CIROZ: variants seen among roughly 807,000 people sequenced by gnomAD.
CIROZ encodes ciliated left-right organizer ZP-N domains-containing protein.
At chr1:10,978,041 C>G in the CIROZ span, among the ~76,000 whole-genome samples, 1 of 151,716 alleles carries the variant, frequency 6.6e-6, no homozygotes. Context: ...TGATGGCACA[C>G]GCATGTAATC....
the CIROZ span, among the ~76,000 whole-genome samples, chr1:10,975,429 A>T: frequency 2.7e-5 from 4 of 145,596 alleles, no homozygotes; most frequent in Non-Finnish European, 5.9e-5. Flanking sequence ...AAAAAAAAAA[A>T]AACACAAAAA....
the CIROZ span, chr1:10,957,851 A>T: frequency 2.2e-6 from 3 of 1,376,970 alleles, no homozygotes; most frequent in Non-Finnish European, 3.0e-6. Context: ...CTAGGAAGGC[A>T]ACAGGGTCAC....
At chr1:10,964,053 C>T in the CIROZ span, 4 of 1,558,720 alleles carry the variant, frequency 2.6e-6, no homozygotes, top group Non-Finnish European at 3.5e-6. Flanking sequence ...GCCAGGGCCA[C>T]CTGCCTTGGC....
the CIROZ span, chr1:10,953,982 G>A: frequency 1.3e-6 from 2 of 1,587,392 alleles, no homozygotes; most frequent in Middle Eastern, 1.7e-4. Flanking sequence ...GTGTGTGCCT[G>A]TTACCAGCAG....
At chr1:10,955,856 A>G in the CIROZ span, among the ~76,000 whole-genome samples, 5 of 151,816 alleles carry the variant, frequency 3.3e-5, no homozygotes, top group African/African-American at 1.2e-4. Context: ...AAAAAAAAAA[A>G]AAAAAAGAAA....
At chr1:10,979,839 G>A in the CIROZ span, among the ~76,000 whole-genome samples, 3 of 152,190 alleles carry the variant, frequency 2.0e-5, no homozygotes, top group African/African-American at 7.2e-5. Context: ...CTTGAGGTCA[G>A]GGGTTTGAGA....
the CIROZ span, among the ~76,000 whole-genome samples, chr1:10,972,352 C>T: frequency 8.8e-5 from 13 of 148,334 alleles, no homozygotes; most frequent in East Asian, 2.1e-4. Flanking sequence ...TTTTAGTGTG[C>T]GATGATCATG....
chr1:10,953,905 G>A, the CIROZ span: 40 of 1,417,206 alleles, frequency 2.8e-5, no homozygotes, highest in South Asian at 4.5e-4. Flanking sequence ...GGGATCTGTC[G>A]GGTCCAGGGA....
At chr1:10,955,859 A>AAG in the CIROZ span, among the ~76,000 whole-genome samples, 46 of 151,766 alleles carry the variant, frequency 3.0e-4, no homozygotes, top group African/African-American at 1.0e-3. Flanking sequence ...AAAAAAAAAA[A>AAG]AAAGAAAGAA....
the CIROZ span, among the ~76,000 whole-genome samples, chr1:10,975,365 AC>A: frequency 6.8e-6 from 1 of 146,884 alleles, no homozygotes; most frequent in Non-Finnish European, 1.5e-5. Flanking sequence ...AAGTTGTGCC[AC>A]TGCACTCCAG....
At chr1:10,955,762 T>G in the CIROZ span, among the ~76,000 whole-genome samples, 5 of 150,200 alleles carry the variant, frequency 3.3e-5, no homozygotes, top group Non-Finnish European at 5.9e-5. Context: ...GAGAATCGCT[T>G]GAACCCTGGA....
the CIROZ span, chr1:10,954,204 C>T: frequency 1.3e-6 from 2 of 1,539,298 alleles, no homozygotes; most frequent in East Asian, 2.5e-5. Flanking sequence ...GCCTGTAATC[C>T]CAGCACTTTG....
chr1:10,956,147 C>T, the CIROZ span, among the ~76,000 whole-genome samples: 1 of 152,334 alleles, frequency 6.6e-6, no homozygotes. Flanking sequence ...AATCTACCCA[C>T]ACAGGATGAA....
At chr1:10,975,430 A>C in the CIROZ span, among the ~76,000 whole-genome samples, 187 of 144,100 alleles carry the variant, frequency 1.3e-3, 1 homozygote, top group Middle Eastern at 7.2e-3. Flanking sequence ...AAAAAAAAAA[A>C]ACACAAAAAT....
At chr1:10,976,630 G>T in the CIROZ span, among the ~76,000 whole-genome samples, 2 of 150,928 alleles carry the variant, frequency 1.3e-5, no homozygotes, top group African/African-American at 4.9e-5. Context: ...GATTAGAAGC[G>T]TGAGCCACCG....
chr1:10,957,479 G>T, the CIROZ span: 2 of 1,345,924 alleles, frequency 1.5e-6, no homozygotes, highest in Non-Finnish European at 2.0e-6. Flanking sequence ...CCCAATTTTC[G>T]AAGGCGCCTG....
At chr1:10,972,907 C>T in the CIROZ span, among the ~76,000 whole-genome samples, 6 of 136,542 alleles carry the variant, frequency 4.4e-5, no homozygotes. Context: ...GGCAACATAG[C>T]GAGATGCCCC....
the CIROZ span, among the ~76,000 whole-genome samples, chr1:10,955,844 C>CAAA: frequency 2.0e-5 from 2 of 98,438 alleles, no homozygotes; most frequent in Non-Finnish European, 4.6e-5. Flanking sequence ...AACTCCATCT[C>CAAA]AAAAAAAAAA....
the CIROZ span, chr1:10,948,774 G>C: frequency 1.3e-6 from 2 of 1,523,228 alleles, no homozygotes; most frequent in South Asian, 1.3e-5. Flanking sequence ...CACCACTCTG[G>C]GGAGAATGGA....
Sources: allele counts gnomAD v4.1 joint callset (sites outside exome capture counted in the v4.1 genomes callset), GRCh38; gene constraint gnomAD v4.1.1; transcripts MANE v1.5; gene names NCBI Gene and HGNC (gene_info 2026-07-23, HGNC 2026-07-21).